CTCF: variants seen among roughly 807,000 people sequenced by gnomAD.
The protein encoded by CTCF is CCCTC-binding factor.
A neutral mutation model predicts 72.3 loss-of-function variants in CTCF; 7 were observed. That is an observed-to-expected ratio of 0.10 (90% confidence interval 0.06 to 0.18). The LOEUF is 0.18. CTCF is among the 10% of genes least tolerant of loss of function. The pLI is 1.00. For missense variants in CTCF, 516 were observed against 949.1 expected (o/e 0.54, Z 6.00); for synonymous variants, 374 against 315.8 (o/e 1.18, Z -1.95).
chr16:67,623,006 G>T (rs537011055), intron 7 of CTCF, among the ~76,000 whole-genome samples: 5 of 150,932 alleles, frequency 3.3e-5, no homozygotes, highest in Non-Finnish European at 5.9e-5. Context: ...TTGTCACCCA[G>T]GCCAGAGTGC....
intron 11 of CTCF, among the ~76,000 whole-genome samples, 191 bp downstream of exon 11, chr16:67,637,042 G>C (rs1471863110): frequency 6.6e-6 from 1 of 152,154 alleles, no homozygotes; most frequent in Non-Finnish European, 1.5e-5. Flanking sequence ...GTCTTTAGAG[G>C]CCTGTTACAT....
chr16:67,614,085 G>T (rs375042561), intron 4 of CTCF, among the ~76,000 whole-genome samples: 3 of 152,068 alleles, frequency 2.0e-5, no homozygotes, highest in African/African-American at 7.2e-5. Context: ...CGTAGCTCTC[G>T]CCTGTAATCC....
intron 5 of CTCF, among the ~76,000 whole-genome samples, chr16:67,619,792 C>G (rs1044508730): frequency 2.0e-5 from 3 of 152,148 alleles, no homozygotes; most frequent in African/African-American, 7.2e-5. Context: ...CCATGTTGCC[C>G]AGGCTGGTCT....
intron 9 of CTCF, 139 bp from the exon 10 acceptor site, chr16:67,629,259 G>A (rs1023693528): frequency 6.8e-6 from 5 of 736,652 alleles, no homozygotes; most frequent in Non-Finnish European, 1.1e-5. Flanking sequence ...TTTCCCCTGA[G>A]CAGAGACAGC....
rs529927847 is a variant in CTCF at position 67,631,287 on chromosome 16, C to T, written c.1837+1754C>T. Among the ~76,000 whole-genome samples, 11 of 151,524 alleles carry T rather than the reference C, an allele frequency of 7.3e-5. No homozygotes were observed. In the East Asian group the frequency reaches 2.1e-3, roughly 29 times the overall value. ...TTCAAGCGATTTTCCTGCTCAGCTT[C>T]CCAGGTAGCTGGGATTACAGGCATG... On this transcript the variant is annotated intron_variant, in intron 10 of 11. Coordinates refer to ENST00000264010, the MANE Select transcript of CTCF (RefSeq NM_006565.4).
At chr16:67,620,373 G>GAA (rs2052185329) in intron 5 of CTCF, among the ~76,000 whole-genome samples, 1 of 151,928 alleles carries the variant, frequency 6.6e-6, no homozygotes, top group Non-Finnish European at 1.5e-5. Flanking sequence ...GCTAATTTTT[G>GAA]TATTGTTAGT....
At chr16:67,626,775 A>G in intron 8 of CTCF, 60 bp downstream of exon 8, 14 of 1,249,968 alleles carry the variant, frequency 1.1e-5, no homozygotes, top group Non-Finnish European at 1.5e-5. Context: ...ATCAGAGGGC[A>G]TTTACATATC....
At chr16:67,603,883 A>G (rs1454357142) in intron 2 of CTCF, among the ~76,000 whole-genome samples, 1 of 151,116 alleles carries the variant, frequency 6.6e-6, no homozygotes. Context: ...AATCCTAGCA[A>G]TTTGGGAGGC....
intron 1 of CTCF, chr16:67,564,022 G>T (rs1392971098): frequency 6.6e-6 from 1 of 152,204 alleles, no homozygotes; most frequent in Non-Finnish European, 1.5e-5. Context: ...CTACTGTTTA[G>T]TAGGAGACTT....
intron 2 of CTCF, among the ~76,000 whole-genome samples, chr16:67,601,379 C>G (rs545620374): frequency 6.6e-6 from 1 of 150,826 alleles, no homozygotes; most frequent in African/African-American, 2.4e-5. Context: ...CACTCTGTCA[C>G]CCAGCCTGGA....
At chr16:67,613,455 T>C (rs1254719230) in intron 4 of CTCF, among the ~76,000 whole-genome samples, 1 of 152,220 alleles carries the variant, frequency 6.6e-6, no homozygotes, top group Non-Finnish European at 1.5e-5. Context: ...CTTGATAATA[T>C]GTTTTATTTG....
At chr16:67,592,462 T>C (rs2051757855) in intron 2 of CTCF, among the ~76,000 whole-genome samples, 1 of 151,458 alleles carries the variant, frequency 6.6e-6, no homozygotes, top group African/African-American at 2.4e-5. Context: ...TCCCAGTAAT[T>C]TAGGAGGCTG....
chr16:67,587,530 GT>G (rs78569944), intron 2 of CTCF, among the ~76,000 whole-genome samples: 133 of 144,234 alleles, frequency 9.2e-4, no homozygotes, highest in African/African-American at 1.2e-3. Flanking sequence ...TTTCTGCAGG[GT>G]TTTTTTTTTT....
intron 2 of CTCF, among the ~76,000 whole-genome samples, chr16:67,572,947 GCC>G (rs1359051975): frequency 2.2e-4 from 9 of 41,502 alleles, no homozygotes; most frequent in Non-Finnish European, 3.4e-4. Context: ...GCCCCCCCCC[GCC>G]CCCCCCCCCA....
At chr16:67,564,722 G>C (rs1054298974) in intron 1 of CTCF, among the ~76,000 whole-genome samples, 2 of 152,128 alleles carry the variant, frequency 1.3e-5, no homozygotes, top group Non-Finnish European at 2.9e-5. Context: ...TTAAAATACA[G>C]CAGGTGTATA....
chr16:67,612,147 A>G, intron 4 of CTCF, 26 bp downstream of exon 4: 1 of 1,588,604 alleles, frequency 6.3e-7, no homozygotes, highest in Non-Finnish European at 8.6e-7. Flanking sequence ...GTTGGGGGCT[A>G]CAACAGCAAA....
intron 7 of CTCF, among the ~76,000 whole-genome samples, chr16:67,625,850 C>T (rs1021681318): frequency 7.5e-6 from 1 of 134,198 alleles, no homozygotes; most frequent in African/African-American, 2.8e-5. Context: ...ACAACTTGGT[C>T]TTAAGCCCTC....
chr16:67,595,634 G>A (rs1258261174), intron 2 of CTCF, among the ~76,000 whole-genome samples: 1 of 152,094 alleles, frequency 6.6e-6, no homozygotes, highest in Admixed American at 6.6e-5. Context: ...ATGATAGCCT[G>A]TGAAATGGGT....
At chr16:67,588,102 C>T (rs2051692919) in intron 2 of CTCF, among the ~76,000 whole-genome samples, 2 of 152,244 alleles carry the variant, frequency 1.3e-5, no homozygotes, top group South Asian at 2.1e-4. Flanking sequence ...AGGTGATTCA[C>T]CTGCCTCGGT....
Sources: allele counts gnomAD v4.1 joint callset (sites outside exome capture counted in the v4.1 genomes callset), GRCh38; gene constraint gnomAD v4.1.1; transcripts MANE v1.5; gene names NCBI Gene and HGNC (gene_info 2026-07-23, HGNC 2026-07-21).